Variants in NELL1 observed in about 807,000 individuals in gnomAD.
NELL1 encodes the protein neural EGFL like 1, also known as protein kinase C-binding protein NELL1.
NELL1 carries 76 observed loss-of-function variants against 107.4 expected under a neutral mutation model. The ratio of observed to expected loss-of-function variants is 0.71; its 90% confidence interval spans 0.59 to 0.86. The LOEUF is 0.86. Ranked by LOEUF, NELL1 falls within the 40% of genes least tolerant of loss-of-function variation. The pLI is 0.00. For synonymous variants in NELL1, 353 were observed against 341.2 expected, an observed-to-expected ratio of 1.03 and a Z score of -0.38; for missense variants, 1,024 against 1,005.5, an observed-to-expected ratio of 1.02 and a Z score of -0.25.
intron 15 of NELL1, among the ~76,000 whole-genome samples, chr11:21,448,513 A>G (rs917359624): frequency 6.6e-6 from 1 of 152,218 alleles, no homozygotes; most frequent in Non-Finnish European, 1.5e-5. Context: ...TACAAAGTTC[A>G]CCTAAGTAAA....
chr11:21,219,370 T>C (rs562270835), intron 13 of NELL1, among the ~76,000 whole-genome samples: 3 of 152,322 alleles, frequency 2.0e-5, no homozygotes, highest in Admixed American at 2.0e-4. Context: ...TCCTTGTATA[T>C]TCTGGATATT....
At chr11:20,879,319 C>G (rs1385780203) in intron 4 of NELL1, among the ~76,000 whole-genome samples, 2 of 151,862 alleles carry the variant, frequency 1.3e-5, no homozygotes, top group Non-Finnish European at 2.9e-5. Flanking sequence ...CAGGAAATAA[C>G]CAACATATAG....
chr11:21,251,836 C>T (rs1791858), intron 14 of NELL1, among the ~76,000 whole-genome samples: 136,541 of 151,982 alleles, frequency 0.9, 61,497 homozygotes, highest in Non-Finnish European at 0.93. Context: ...ATTTTGGCTT[C>T]AAGATGGTCT....
chr11:21,082,915 T>A (rs1209289191), intron 12 of NELL1, among the ~76,000 whole-genome samples: 1 of 152,254 alleles, frequency 6.6e-6, no homozygotes. Context: ...TATTTGCTAC[T>A]CTTTATTTTT....
At chr11:20,732,706 G>A (rs1855674989) in intron 2 of NELL1, among the ~76,000 whole-genome samples, 1 of 152,108 alleles carries the variant, frequency 6.6e-6, no homozygotes, top group Non-Finnish European at 1.5e-5. Flanking sequence ...AGTTTGACAT[G>A]AGTAATGAGT....
intron 2 of NELL1, among the ~76,000 whole-genome samples, chr11:20,756,419 A>C (rs1457472539): frequency 6.6e-6 from 1 of 151,520 alleles, no homozygotes; most frequent in Non-Finnish European, 1.5e-5. Context: ...GCTCACTGAA[A>C]GCTCCGCCTC....
chr11:21,147,231 G>A (rs2167998), intron 13 of NELL1, among the ~76,000 whole-genome samples: 16,175 of 152,112 alleles, frequency 0.11, 1,070 homozygotes, highest in Non-Finnish European at 0.16. Context: ...GGGGAAATGA[G>A]GAGCTGAACA....
chr11:21,278,381 A>C (rs1034206695), intron 14 of NELL1, among the ~76,000 whole-genome samples: 1 of 152,224 alleles, frequency 6.6e-6, no homozygotes, highest in African/African-American at 2.4e-5. Flanking sequence ...TTATCTAAGT[A>C]GAAATTTTTT....
intron 13 of NELL1, among the ~76,000 whole-genome samples, chr11:21,205,553 G>A (rs1857371688): frequency 6.6e-6 from 1 of 152,168 alleles, no homozygotes; most frequent in Admixed American, 6.5e-5. Flanking sequence ...TAGCTTGCTG[G>A]GCTCTGTGAG....
chr11:21,450,567 TAAC>T (rs1393411178), intron 15 of NELL1, among the ~76,000 whole-genome samples: 1 of 152,226 alleles, frequency 6.6e-6, no homozygotes, highest in Non-Finnish European at 1.5e-5. Context: ...TTAGAAATCT[TAAC>T]AACTTTGAAA....
intron 2 of NELL1, among the ~76,000 whole-genome samples, chr11:20,716,579 G>A (rs1855255209): frequency 6.6e-6 from 1 of 152,194 alleles, no homozygotes; most frequent in Non-Finnish European, 1.5e-5. Context: ...ATGTGTGCAT[G>A]CTTACATATT....
chr11:20,799,057 A>AAGCTGG (rs1232497212), intron 3 of NELL1, among the ~76,000 whole-genome samples: 3 of 152,194 alleles, frequency 2.0e-5, no homozygotes, highest in African/African-American at 7.2e-5. Flanking sequence ...TAGAGAAGAG[A>AAGCTGG]AGCTGGAGAG....
chr11:21,297,610 C>T (rs2133967488), intron 14 of NELL1, among the ~76,000 whole-genome samples: 1 of 152,172 alleles, frequency 6.6e-6, no homozygotes, highest in African/African-American at 2.4e-5. Flanking sequence ...CTTTACTTGT[C>T]TCTCAATGTT....
chr11:20,774,014 T>G, intron 2 of NELL1, among the ~76,000 whole-genome samples: 1 of 145,348 alleles, frequency 6.9e-6, no homozygotes. Context: ...CTTCCCTCCG[T>G]TCCTTTTTTC....
rs1322428880 is a variant in NELL1 at position 20,698,821 on chromosome 11, A to G, written c.184+20761A>G. On this transcript the variant is annotated intron_variant, in intron 2 of 19. Transcript: ENST00000357134. ...CCTACCCTTCCCCACAAGTCCCCGA[A>G]GTCCATTATATTATTCTTTTCCTTT... 2.6e-5 allele frequency among the ~76,000 whole-genome samples: 4 copies of G among 152,122 alleles called. No homozygotes were observed. The South Asian group carries it at 6.2e-4, about 24-fold the overall frequency.
At chr11:21,495,321 T>C (rs887654472) in intron 15 of NELL1, among the ~76,000 whole-genome samples, 1 of 152,156 alleles carries the variant, frequency 6.6e-6, no homozygotes, top group African/African-American at 2.4e-5. Flanking sequence ...ACTCATGTTA[T>C]AGCATGTATC....
At chr11:20,759,445 G>A (rs767216092) in intron 2 of NELL1, among the ~76,000 whole-genome samples, 7 of 152,172 alleles carry the variant, frequency 4.6e-5, no homozygotes, top group Non-Finnish European at 8.8e-5. Flanking sequence ...TCACAAACCC[G>A]TGAATACCAA....
intron 15 of NELL1, among the ~76,000 whole-genome samples, chr11:21,478,157 G>C (rs1040374878): frequency 2.0e-5 from 3 of 152,104 alleles, no homozygotes; most frequent in Admixed American, 6.6e-5. Flanking sequence ...GAGAAAGAGT[G>C]CAGGGAAAAC....
intron 13 of NELL1, among the ~76,000 whole-genome samples, chr11:21,160,998 TATAC>T (rs1856353127): frequency 1.0e-5 from 1 of 96,948 alleles, no homozygotes; most frequent in South Asian, 4.2e-4. Context: ...TGCTAGCCTT[TATAC>T]ACACACACAC....
Sources: allele counts gnomAD v4.1 joint callset (sites outside exome capture counted in the v4.1 genomes callset), GRCh38; gene constraint gnomAD v4.1.1; transcripts MANE v1.5; gene names NCBI Gene and HGNC (gene_info 2026-07-23, HGNC 2026-07-21).